C1GALT1: variants seen among roughly 807,000 people sequenced by gnomAD.
The protein encoded by C1GALT1 is core 1 synthase, glycoprotein-N-acetylgalactosamine 3-beta-galactosyltransferase 1.
A neutral mutation model predicts 31.0 loss-of-function variants in C1GALT1; 11 were observed. That is an observed-to-expected ratio of 0.36 (90% confidence interval 0.22 to 0.59). The LOEUF is 0.59. C1GALT1 is among the 20% of genes least tolerant of loss of function. C1GALT1 has a pLI of 0.79. For synonymous variants in C1GALT1, 175 were observed against 143.6 expected, an observed-to-expected ratio of 1.22 and a Z score of -1.56; for missense variants, 424 against 425.2, an observed-to-expected ratio of 1.00 and a Z score of 0.03.
intron 1 of C1GALT1, among the ~76,000 whole-genome samples, chr7:7,222,338 A>AT (rs1782546515): frequency 6.6e-6 from 1 of 152,164 alleles, no homozygotes; most frequent in African/African-American, 2.4e-5. Flanking sequence ...TCCAAAAATT[A>AT]TTTTTTTAAA....
At chr7:7,229,806 C>T (rs909428027) in intron 1 of C1GALT1, among the ~76,000 whole-genome samples, 4 of 152,146 alleles carry the variant, frequency 2.6e-5, no homozygotes, top group African/African-American at 9.7e-5. Context: ...GAGAAAACAG[C>T]AGAAAGACAT....
intron 1 of C1GALT1, among the ~76,000 whole-genome samples, chr7:7,231,499 A>G (rs1048815878): frequency 6.6e-6 from 1 of 151,744 alleles, no homozygotes; most frequent in East Asian, 1.9e-4. Flanking sequence ...TTCTTTTTCA[A>G]TCCATTTGTT....
intron 3 of C1GALT1, 152 bp from the exon 4 acceptor site, chr7:7,243,372 C>G (rs192216777): frequency 1.5e-4 from 79 of 527,950 alleles, no homozygotes; most frequent in Non-Finnish European, 2.1e-4. Flanking sequence ...TTGATTTCTT[C>G]CACAGGTCTA....
chr7:7,197,186 A>C (rs1024103379), intron 1 of C1GALT1, among the ~76,000 whole-genome samples: 1 of 152,208 alleles, frequency 6.6e-6, no homozygotes, highest in Non-Finnish European at 1.5e-5. Context: ...TCTAACATTT[A>C]AGTCTTTAAT....
intron 1 of C1GALT1, among the ~76,000 whole-genome samples, chr7:7,192,450 GT>G (rs1172144310): frequency 2.0e-5 from 3 of 152,032 alleles, no homozygotes; most frequent in Non-Finnish European, 2.9e-5. Flanking sequence ...CTCCATCCAG[GT>G]TGCTGTGAAT....
At chr7:7,217,715 C>T (rs1377637272) in intron 1 of C1GALT1, among the ~76,000 whole-genome samples, 5 of 152,034 alleles carry the variant, frequency 3.3e-5, no homozygotes, top group African/African-American at 1.2e-4. Context: ...ACTCTGTTGC[C>T]CAGGCTGGAG....
At chr7:7,229,490 C>A (rs1034954340) in intron 1 of C1GALT1, among the ~76,000 whole-genome samples, 1 of 152,100 alleles carries the variant, frequency 6.6e-6, no homozygotes, top group African/African-American at 2.4e-5. Context: ...ATATCACATA[C>A]CTCTATTGTA....
chr7:7,205,943 A>T (rs533422354), intron 1 of C1GALT1, among the ~76,000 whole-genome samples: 4 of 151,888 alleles, frequency 2.6e-5, no homozygotes, highest in Admixed American at 6.6e-5. Context: ...ATTTTTTTCT[A>T]TGTGCTTTGT....
intron 1 of C1GALT1, among the ~76,000 whole-genome samples, chr7:7,219,575 C>A (rs1347043172): frequency 6.6e-6 from 1 of 151,968 alleles, no homozygotes; most frequent in East Asian, 1.9e-4. Flanking sequence ...TAGATAAAAC[C>A]TACATAAATA....
intron 1 of C1GALT1, among the ~76,000 whole-genome samples, chr7:7,218,447 C>G (rs1322081139): frequency 6.6e-6 from 1 of 151,710 alleles, no homozygotes; most frequent in East Asian, 1.9e-4. Context: ...ATTTATTGGC[C>G]CAACGAAAAA....
At chr7:7,207,490 C>G (rs554752745) in intron 1 of C1GALT1, among the ~76,000 whole-genome samples, 1 of 151,550 alleles carries the variant, frequency 6.6e-6, no homozygotes, top group Admixed American at 6.6e-5. Context: ...TTTTCCATGT[C>G]TTTATTCATA....
intron 1 of C1GALT1, among the ~76,000 whole-genome samples, chr7:7,208,211 G>A (rs1346920278): frequency 6.6e-6 from 1 of 151,570 alleles, no homozygotes; most frequent in African/African-American, 2.4e-5. Flanking sequence ...GTTCAATAAA[G>A]TTAAAATAAA....
At chr7:7,229,109 G>A (rs1782941725) in intron 1 of C1GALT1, among the ~76,000 whole-genome samples, 1 of 152,202 alleles carries the variant, frequency 6.6e-6, no homozygotes, top group African/African-American at 2.4e-5. Context: ...CTCAGTCACA[G>A]TGCTTTCTGC....
rs1461103062 is a variant in C1GALT1 at position 7,176,943 on chromosome 7, T to C, written c.-18+19517T>C. Among the ~76,000 whole-genome samples the C allele has an allele frequency of 2.6e-5, 4 of 152,300 alleles. No individual in the cohort carries two copies. The South Asian group carries it at 8.3e-4, about 32-fold the overall frequency. On this transcript the variant is annotated intron_variant, in intron 2 of 3. Coordinates refer to the C1GALT1 transcript ENST00000429911. ...TTTCCCTGATCTTTGTTTCCTGGTG[T>C]CCATTTTTCACTTACTCCCTAATTT...
upstream of C1GALT1, among the ~76,000 whole-genome samples, chr7:7,181,135 T>G (rs750692363): frequency 1.4e-5 from 2 of 141,902 alleles, no homozygotes; most frequent in Non-Finnish European, 3.1e-5. Flanking sequence ...GGTTTCTATT[T>G]GGAACACTGA....
Position 7,231,686 on chromosome 7 carries a change from GCT to G in C1GALT1, c.-17-2614_-17-2613del, listed in dbSNP as rs1243006135. 1.6e-4 allele frequency among the ~76,000 whole-genome samples: 24 copies of G among 151,670 alleles called. No homozygotes were observed. The East Asian group carries it at 2.9e-3, about 18-fold the overall frequency. On this transcript the variant is annotated intron_variant, in intron 1 of 3. Coordinates refer to ENST00000436587, the MANE Select transcript of C1GALT1 (RefSeq NM_020156.5). ...ATGAAAATCTTATTTGAGTCTTTTG[GCT>G]CTGTTTCTATTGTCTACTTTTTTGT...
chr7:7,240,079 C>T (rs1783556611), intron 3 of C1GALT1, among the ~76,000 whole-genome samples: 1 of 152,190 alleles, frequency 6.6e-6, no homozygotes, highest in Non-Finnish European at 1.5e-5. Context: ...CTACTACTGT[C>T]ATCTTCATAA....
At chr7:7,237,346 G>C (rs1783410940) in intron 2 of C1GALT1, among the ~76,000 whole-genome samples, 1 of 152,184 alleles carries the variant, frequency 6.6e-6, no homozygotes, top group Non-Finnish European at 1.5e-5. Flanking sequence ...ACAAGATAAT[G>C]AGGTTACACT....
At position 7,238,421 on chromosome 7, in the gene C1GALT1, C is replaced by T. The variant is rs1322831070; in HGVS notation, c.387C>T (p.Phe129=). The stretch of plus-strand genomic sequence containing the variant: ...TGAGTTCAGAAGAAAATAAAGACTT[C>T]CCTGCTGTGGGACTGAAAACCAAAG... The part of the protein sequence containing the change: ...LFMSSEENKD[F]PAVGLKTKEG... The change falls in exon 3 of 4, where the codon TTC becomes TTT. Residue 129 remains phenylalanine (F), a synonymous_variant. Coordinates refer to ENST00000436587, the MANE Select transcript of C1GALT1 (RefSeq NM_020156.5). The surrounding 1 kb of genome is among the most constrained non-coding windows in gnomAD (Gnocchi z 5.2). The T allele has an allele frequency of 6.2e-7, 1 of 1,613,852 alleles. No individual in the cohort carries two copies. Among genetic ancestry groups the T allele is most frequent in the Non-Finnish European group, 8.5e-7 (1 of 1,179,970 alleles).
Sources: gnomAD v4.1 joint callset for allele counts (sites outside exome capture counted in the v4.1 genomes callset) on GRCh38, gnomAD v4.1.1 for gene constraint, Gnocchi (gnomAD v3.1) non-coding constraint, MANE v1.5 for transcripts, NCBI Gene and HGNC (gene_info 2026-07-23, HGNC 2026-07-21) for gene names.